RALGPS1: variants seen among roughly 807,000 people sequenced by gnomAD.
RALGPS1 encodes the protein Ral GEF with PH domain and SH3 binding motif 1.
RALGPS1 carries 19 observed loss-of-function variants against 78.8 expected under a neutral mutation model. The observed-to-expected ratio is 0.24, with a 90% CI of 0.17 to 0.35. RALGPS1 has a LOEUF of 0.35. Ranked by LOEUF, RALGPS1 falls within the 10% of genes least tolerant of loss-of-function variation. RALGPS1 has a pLI of 1.00. For synonymous variants in RALGPS1, 228 were observed against 256.3 expected (o/e 0.89, Z 1.06); for missense variants, 454 against 688.3 (o/e 0.66, Z 3.81).
intron 11 of RALGPS1, chr9:127,184,315 G>C: frequency 3.2e-6 from 1 of 313,902 alleles, no homozygotes; most frequent in South Asian, 3.3e-5. Context: ...GCAAGACCTT[G>C]TCTCAGGAAA....
At chr9:127,014,813 C>T (rs1459915255) in intron 4 of RALGPS1, among the ~76,000 whole-genome samples, 1 of 152,108 alleles carries the variant, frequency 6.6e-6, no homozygotes, top group East Asian at 1.9e-4. Context: ...TTGTCCACTC[C>T]CTGGTCTCCT....
chr9:126,954,188 C>G (rs1050069592), intron 1 of RALGPS1, among the ~76,000 whole-genome samples: 1 of 152,184 alleles, frequency 6.6e-6, no homozygotes, highest in African/African-American at 2.4e-5. Flanking sequence ...AACGAATGAA[C>G]TACCAAGCAG....
chr9:127,119,340 G>A (rs2055799858), intron 8 of RALGPS1, among the ~76,000 whole-genome samples: 1 of 152,322 alleles, frequency 6.6e-6, no homozygotes, highest in South Asian at 2.1e-4. Flanking sequence ...TGCAGCATTC[G>A]ATAGGACAGC....
At chr9:127,133,391 T>C (rs2057147846) in intron 8 of RALGPS1, among the ~76,000 whole-genome samples, 1 of 152,262 alleles carries the variant, frequency 6.6e-6, no homozygotes, top group Non-Finnish European at 1.5e-5. Flanking sequence ...CAGTCTTCAC[T>C]GTGAGTTGAC....
At chr9:127,062,716 A>G (rs1396804546) in intron 7 of RALGPS1, among the ~76,000 whole-genome samples, 1 of 152,216 alleles carries the variant, frequency 6.6e-6, no homozygotes, top group Non-Finnish European at 1.5e-5. Context: ...ACAGGGTTTA[A>G]AATAGCTTTA....
At chr9:127,146,920 G>T (rs1287686942) in intron 8 of RALGPS1, among the ~76,000 whole-genome samples, 1 of 152,228 alleles carries the variant, frequency 6.6e-6, no homozygotes, top group South Asian at 2.1e-4. Context: ...GGGTTGAATA[G>T]TAGCTCTATT....
rs1023851436 is a variant in RALGPS1 at position 126,925,522 on chromosome 9, C to T, written c.-66+10547C>T. On this transcript the variant is annotated intron_variant, in intron 1 of 18. Transcript: ENST00000259351. ...GAGATGGCACCACTGCATTCAGGCC[C>T]TGGGAGACAGAGTGAGACTCTGTCT... is the stretch of plus-strand genomic sequence containing the variant. 3.3e-5 allele frequency among the ~76,000 whole-genome samples: 5 copies of T among 151,076 alleles called. No individual in the cohort carries two copies. In the South Asian group the frequency reaches 8.4e-4, roughly 25 times the overall value.
intron 8 of RALGPS1, among the ~76,000 whole-genome samples, chr9:127,084,211 A>T (rs1020045562): frequency 6.6e-6 from 1 of 152,050 alleles, no homozygotes. Flanking sequence ...CGTGAGCCAC[A>T]GCACCTGGCT....
chr9:127,021,757 G>A (rs1160910875), intron 4 of RALGPS1, among the ~76,000 whole-genome samples: 1 of 151,910 alleles, frequency 6.6e-6, no homozygotes, highest in East Asian at 1.9e-4. Flanking sequence ...TGGCCCTGTG[G>A]GCCTAGTCCC....
intron 13 of RALGPS1, 112 bp downstream of exon 13, chr9:127,196,743 G>A (rs2061368515): frequency 3.0e-6 from 4 of 1,317,442 alleles, no homozygotes; most frequent in East Asian, 2.4e-5. Context: ...CATTCTTGGG[G>A]ACCCAGTGGC....
In RALGPS1 at chr9:127,091,400, C is replaced by G. The variant is rs1314817590; in HGVS notation, c.610+22044C>G. On this transcript the variant is annotated intron_variant, in intron 8 of 18. Transcript: ENST00000259351. This position sits in a 1 kb window ranked among gnomAD's most constrained non-coding sequence, Gnocchi z 4.3. ...CTTTCTGCATTGGCCCCAGCTGGCC[C>G]TGGTACGTGTGATTTGTATACCTCT... 6.6e-6 allele frequency among the ~76,000 whole-genome samples: 1 copy of G among 152,238 alleles called. No homozygotes were observed. The highest frequency in any genetic ancestry group is 1.5e-5 in the Non-Finnish European group (1 of 68,046).
intron 2 of RALGPS1, among the ~76,000 whole-genome samples, chr9:126,962,555 A>G (rs1419741306): frequency 6.6e-6 from 1 of 152,256 alleles, no homozygotes; most frequent in African/African-American, 2.4e-5. Flanking sequence ...GTTCTCTTCA[A>G]AGAAAAACAA....
chr9:127,009,760 T>A (rs2044177610), intron 4 of RALGPS1, among the ~76,000 whole-genome samples: 1 of 152,118 alleles, frequency 6.6e-6, no homozygotes, highest in Admixed American at 6.5e-5. Context: ...CTTTATGCCT[T>A]GGAAAAAATG....
chr9:127,120,793 A>C lies in RALGPS1; in HGVS notation c.611-45276A>C, dbSNP rs559636786. Among the ~76,000 whole-genome samples, 12 of 150,660 alleles carry C rather than the reference A, an allele frequency of 8.0e-5. No homozygotes were observed. The East Asian group carries it at 2.4e-3, about 30-fold the overall frequency. Reference sequence around the variant, plus strand: ...CAGTGAGCCGAGATCATGCCACTGCACTCCAGCCTGGGTGACAGAGCGAGA... The same window carrying C: ...CAGTGAGCCGAGATCATGCCACTGCCCTCCAGCCTGGGTGACAGAGCGAGA... On this transcript the variant is annotated intron_variant, in intron 8 of 18. Transcript: ENST00000259351.
intron 8 of RALGPS1, among the ~76,000 whole-genome samples, chr9:127,145,637 G>T (rs1229507199): frequency 2.6e-5 from 4 of 152,192 alleles, no homozygotes; most frequent in African/African-American, 9.7e-5. Flanking sequence ...CAAGCCTTTT[G>T]CTCCGACTCT....
intron 1 of RALGPS1, among the ~76,000 whole-genome samples, chr9:126,915,686 T>C (rs930235056): frequency 6.7e-6 from 1 of 149,462 alleles, no homozygotes; most frequent in Non-Finnish European, 1.5e-5. Context: ...GCCGGTTGCC[T>C]CCCCTATGCT....
chr9:127,215,834 T>A (rs1380265624), intron 18 of RALGPS1, among the ~76,000 whole-genome samples: 1 of 152,180 alleles, frequency 6.6e-6, no homozygotes, highest in African/African-American at 2.4e-5. Flanking sequence ...TCCATGTGTG[T>A]TTTCCCCAGG....
At chr9:127,164,404 T>C (rs1022483094) in intron 8 of RALGPS1, among the ~76,000 whole-genome samples, 1 of 151,752 alleles carries the variant, frequency 6.6e-6, no homozygotes, top group Admixed American at 6.6e-5. Context: ...CGTGACTAAT[T>C]CTGTGTTTTT....
intron 10 of RALGPS1, among the ~76,000 whole-genome samples, chr9:127,168,986 T>C (rs1429192945): frequency 6.6e-6 from 1 of 152,250 alleles, no homozygotes. Context: ...TGGTGATGTC[T>C]GAACAGCTCT....
Sources: gnomAD v4.1 joint callset for allele counts (sites outside exome capture counted in the v4.1 genomes callset) on GRCh38, gnomAD v4.1.1 for gene constraint, Gnocchi (gnomAD v3.1) non-coding constraint, MANE v1.5 for transcripts, NCBI Gene and HGNC (gene_info 2026-07-23, HGNC 2026-07-21) for gene names.